ST14: variants seen among roughly 807,000 people sequenced by gnomAD.
ST14 encodes the protein ST14 transmembrane serine protease matriptase.
Under a neutral mutation model 96.5 loss-of-function variants are expected in ST14, and 40 were observed. That is an observed-to-expected ratio of 0.41 (90% CI 0.32 to 0.54). The LOEUF (loss-of-function observed/expected upper bound fraction) is 0.54, where lower values mean the gene tolerates loss of function less well. ST14 is among the 20% of genes least tolerant of loss of function. ST14 has a pLI of 0.17. For synonymous variants in ST14, 506 were observed against 492.1 expected, an observed-to-expected ratio of 1.03 and a Z score of -0.37; for missense variants, 1,066 against 1,188.9, an observed-to-expected ratio of 0.90 and a Z score of 1.52.
intron 1 of ST14, among the ~76,000 whole-genome samples, chr11:130,168,081 G>C (rs10894181): frequency 0.29 from 43,439 of 152,140 alleles, 11,977 homozygotes; most frequent in African/African-American, 0.72. Context: ...TTTGAAAAAC[G>C]ATTTTTGATT....
Position 130,190,117 on chromosome 11 carries a change from G to A in ST14, c.603G>A (p.Thr201=), listed in dbSNP as rs139316772. ...ATTCTCCTTCTTATTCTTCAGCCAC[G>A]GACTCCAAAACAGTACAGAGGACCC... ...FVVTSVVAFP[T]DSKTVQRTQD... The change falls in exon 6 of 19, where the codon ACG becomes ACA. Residue 201 remains threonine, a synonymous_variant. Coordinates refer to ENST00000278742, the MANE Select transcript of ST14 (RefSeq NM_021978.4). The A allele has an allele frequency of 3.1e-4, 497 of 1,614,178 alleles. 10 individuals carry two copies. In the Middle Eastern group the frequency reaches 0.018, roughly 59 times the overall value.
chr11:130,193,972 G>A (rs1953331901), intron 7 of ST14, among the ~76,000 whole-genome samples, 177 bp from the exon 8 acceptor site: 1 of 152,264 alleles, frequency 6.6e-6, no homozygotes, highest in East Asian at 1.9e-4. Flanking sequence ...ATCAGTGATT[G>A]TGTGGGGGAG....
chr11:130,203,331 C>T (rs1953451138), intron 16 of ST14, among the ~76,000 whole-genome samples: 1 of 152,180 alleles, frequency 6.6e-6, no homozygotes, highest in South Asian at 2.1e-4. Context: ...AACATCTCTA[C>T]TCTCTTCTAT....
intron 1 of ST14, among the ~76,000 whole-genome samples, chr11:130,183,433 G>A (rs1014443646): frequency 6.6e-6 from 1 of 152,046 alleles, no homozygotes; most frequent in Admixed American, 6.6e-5. Flanking sequence ...TTGCAGCTGG[G>A]TGCAGTGGTG....
chr11:130,170,442 C>T (rs1953080742), intron 1 of ST14, among the ~76,000 whole-genome samples: 1 of 151,964 alleles, frequency 6.6e-6, no homozygotes, highest in Non-Finnish European at 1.5e-5. Flanking sequence ...AAGAGGAAAC[C>T]GGGGCACTGT....
rs750008521 is a variant in ST14, at chr11:130,181,944, C to T, written c.82-6170C>T. On this transcript the variant is annotated intron_variant, in intron 1 of 18. Transcript: ENST00000278742. This position sits in a 1 kb window ranked among gnomAD's most constrained non-coding sequence, Gnocchi z 4.1. ...GCTAGCGCCACTGCTGACAGCCTCG[C>T]TCCGTGGCAGAGTCTGGGGTGACCC... Among the ~76,000 whole-genome samples the T allele has an allele frequency of 2.0e-5, 3 of 152,236 alleles. No homozygotes were observed. The highest frequency in any genetic ancestry group is 2.4e-5 in the African/African-American group (1 of 41,474).
rs781668240 is a variant in ST14, at chr11:130,199,539, G to A, written c.1808-412G>A. 6.2e-4 allele frequency among the ~76,000 whole-genome samples: 94 copies of A among 152,160 alleles called. 4 individuals are homozygous for A. Among genetic ancestry groups the A allele is most frequent in the Non-Finnish European group, 8.8e-5 (6 of 68,032 alleles). On this transcript the variant is annotated intron_variant, in intron 15 of 18. Coordinates refer to ENST00000278742, the MANE Select transcript of ST14 (RefSeq NM_021978.4). ...GTGACCTCACATCAGCGGTTCATTC[G>A]TCCCTCTCAGAGCTGTGGCCTTCAG...
chr11:130,210,310 G>T lies in ST14; in HGVS notation c.*487G>T. On this transcript the variant is annotated 3_prime_UTR_variant, in exon 19 of 19. Coordinates refer to ENST00000278742, the MANE Select transcript of ST14 (RefSeq NM_021978.4). ...AAATTGTTTTACCAGCTCCCAGGGT[G>T]GACTTCAGTGTGTGTATTTGTGTAA... 6.0e-6 allele frequency: 1 copy of T among 165,340 alleles called. No individual in the cohort carries two copies. Among genetic ancestry groups the T allele is most frequent in the Non-Finnish European group, 1.3e-5 (1 of 76,002 alleles). The allele number at this position is 165,340 out of a possible 1,614,324, so 10.2% of individuals were successfully genotyped here.
At chr11:130,191,411 C>T (rs71483609) in intron 7 of ST14, among the ~76,000 whole-genome samples, 22 of 152,182 alleles carry the variant, frequency 1.4e-4, no homozygotes, top group South Asian at 8.3e-4. Context: ...TTTTATGGGC[C>T]GGGCATGGTG....
rs1351666863 is a variant in ST14 at position 130,208,502 on chromosome 11, G to A, written c.2087G>A (p.Arg696His). 6.2e-7 allele frequency: 1 copy of A among 1,614,214 alleles called. No individual in the cohort carries two copies. Among genetic ancestry groups the A allele is most frequent in the South Asian group, 1.1e-5 (1 of 91,086 alleles). Reference protein sequence around the residue: ...APGVQERRLKRIISHPFFNDF... With the variant: ...APGVQERRLKHIISHPFFNDF... Reference sequence around the variant, plus strand: ...GGGGTGCAGGAGCGCAGGCTCAAGCGCATCATCTCCCACCCCTTCTTCAAT... The same window carrying A: ...GGGGTGCAGGAGCGCAGGCTCAAGCACATCATCTCCCACCCCTTCTTCAAT... Residue 696 changes from arginine (R) to histidine (H), a missense_variant, in exon 17 of 19, where the codon CGC becomes CAC. Coordinates refer to ENST00000278742, the MANE Select transcript of ST14 (RefSeq NM_021978.4).
At chr11:130,161,146 G>A (rs1952995872) in intron 1 of ST14, among the ~76,000 whole-genome samples, 1 of 152,190 alleles carries the variant, frequency 6.6e-6, no homozygotes, top group South Asian at 2.1e-4. Context: ...ATCAGACGCT[G>A]GGGCTTTGGA....
chr11:130,187,617 C>G lies in ST14; in HGVS notation c.82-497C>G, dbSNP rs1457480083. 6.6e-6 allele frequency among the ~76,000 whole-genome samples: 1 copy of G among 152,054 alleles called. No homozygotes were observed. Among genetic ancestry groups the G allele is most frequent in the Non-Finnish European group, 1.5e-5 (1 of 68,000 alleles). On this transcript the variant is annotated intron_variant, in intron 1 of 18. Transcript: ENST00000278742. This position sits in a 1 kb window ranked among gnomAD's most constrained non-coding sequence, Gnocchi z 4.5. ...TGCAGTTGAGTGCTGGCCACAGGCT[C>G]CTGGGCCAGGTGATGGGGGGATTGA...
chr11:130,171,570 T>TG (rs1168770347), intron 1 of ST14, among the ~76,000 whole-genome samples: 7 of 152,300 alleles, frequency 4.6e-5, no homozygotes, highest in African/African-American at 7.2e-5. Flanking sequence ...TCTGCAATAT[T>TG]GGGGGGGTCT....
chr11:130,208,799 TGGCAGAATGAGGCTGTCCAG>T (rs1953516180), intron 17 of ST14, 115 bp downstream of exon 17: 1 of 1,345,006 alleles, frequency 7.4e-7, no homozygotes, highest in Non-Finnish European at 1.0e-6. Flanking sequence ...TCCCTCTGCC[TGGCAGAATGAGGCTGTCCAG>T]GGCGGAATGG....
At chr11:130,203,456 G>A (rs1328956049) in intron 16 of ST14, among the ~76,000 whole-genome samples, 2 of 152,164 alleles carry the variant, frequency 1.3e-5, no homozygotes, top group Non-Finnish European at 2.9e-5. Context: ...CGAGCCCAGA[G>A]GGGCCTTCCC....
intron 1 of ST14, among the ~76,000 whole-genome samples, chr11:130,173,507 A>G (rs892203495): frequency 1.3e-5 from 2 of 152,002 alleles, no homozygotes; most frequent in Non-Finnish European, 2.9e-5. Flanking sequence ...GAGGCAGGAG[A>G]ATCACTAGAA....
At chr11:130,165,046 T>C (rs895421391) in intron 1 of ST14, among the ~76,000 whole-genome samples, 3 of 152,170 alleles carry the variant, frequency 2.0e-5, no homozygotes, top group African/African-American at 7.2e-5. Flanking sequence ...CCAGCCTTAT[T>C]GTTATTACCT....
intron 1 of ST14, among the ~76,000 whole-genome samples, chr11:130,186,096 C>T (rs1013366235): frequency 6.6e-6 from 1 of 152,218 alleles, no homozygotes; most frequent in Non-Finnish European, 1.5e-5. Flanking sequence ...GCGTGAGCCA[C>T]TGCACCCAGC....
chr11:130,203,919 G>T (rs2136219820), intron 16 of ST14, among the ~76,000 whole-genome samples: 1 of 152,326 alleles, frequency 6.6e-6, no homozygotes, highest in East Asian at 1.9e-4. Context: ...CTCCCAAAGT[G>T]CTGGGATTAT....
Sources: allele counts gnomAD v4.1 joint callset (sites outside exome capture counted in the v4.1 genomes callset), GRCh38; gene constraint gnomAD v4.1.1; non-coding constraint Gnocchi (gnomAD v3.1); transcripts MANE v1.5; gene names NCBI Gene and HGNC (gene_info 2026-07-23, HGNC 2026-07-21).